The following TMCC3 variants were observed in gnomAD, a reference collection of about 807,000 sequenced individuals.
TMCC3 encodes transmembrane and coiled-coil domain family 3.
In TMCC3, 28 loss-of-function variants were observed where a neutral mutation model predicts 40.2. The ratio of observed to expected loss-of-function variants is 0.70; its 90% CI spans 0.52 to 0.95. The LOEUF is 0.95. Ranked by LOEUF, TMCC3 falls within the 40% of genes least tolerant of loss-of-function variation. The pLI is 0.00. For missense variants in TMCC3, 554 were observed against 615.2 expected (o/e 0.90, Z 1.05); for synonymous variants, 255 against 248.5 (o/e 1.03, Z -0.25).
chr12:94,648,242 T>A (rs992754639), intron 1 of TMCC3, among the ~76,000 whole-genome samples: 2 of 150,832 alleles, frequency 1.3e-5, no homozygotes, highest in South Asian at 4.1e-4. Context: ...ATTTATTTAT[T>A]TATTTATTTA....
chr12:94,606,639 G>T (rs988668683), intron 1 of TMCC3, among the ~76,000 whole-genome samples: 1 of 152,124 alleles, frequency 6.6e-6, no homozygotes, highest in African/African-American at 2.4e-5. Flanking sequence ...TAAAGAGAAA[G>T]AGTACAAAGA....
chr12:94,594,232 C>CACACACACACACACACACAGAG (rs1446763750), intron 1 of TMCC3, among the ~76,000 whole-genome samples: 5 of 147,814 alleles, frequency 3.4e-5, no homozygotes, highest in African/African-American at 1.3e-4. Context: ...CACACACACA[C>CACACACACACACACACACAGAG]AGAGTGAGAG....
Position 94,578,408 on chromosome 12 carries a change from AGCGCTC to A in TMCC3, c.1111_1116del (p.Glu371_Arg372del). The A allele has an allele frequency of 6.2e-7, 1 of 1,613,908 alleles. No individual in the cohort carries two copies. Among genetic ancestry groups the A allele is most frequent in the Non-Finnish European group, 8.5e-7 (1 of 1,179,886 alleles). Reference sequence around the variant, plus strand: ...GGGAAAGGTACCTGGATGTCCCGCGAGCGCTCGTAGGCCTGGTAGGCCACCTTCTCC... The same window carrying A: ...GGGAAAGGTACCTGGATGTCCCGCGAGTAGGCCTGGTAGGCCACCTTCTCC... On this transcript the variant is annotated inframe_deletion, in exon 3 of 4. Transcript: ENST00000261226.
At chr12:94,627,227 C>T (rs959519513) in intron 1 of TMCC3, among the ~76,000 whole-genome samples, 1 of 152,112 alleles carries the variant, frequency 6.6e-6, no homozygotes, top group Non-Finnish European at 1.5e-5. Flanking sequence ...CTTGTAAGAG[C>T]CAGGATTTTA....
At chr12:94,573,032 T>G (rs2068542264) in intron 3 of TMCC3, among the ~76,000 whole-genome samples, 1 of 152,148 alleles carries the variant, frequency 6.6e-6, no homozygotes, top group South Asian at 2.1e-4. Flanking sequence ...CTCTTTGACA[T>G]CTCCATCAGA....
intron 1 of TMCC3, among the ~76,000 whole-genome samples, chr12:94,645,756 T>C (rs2069014771): frequency 6.6e-6 from 1 of 152,222 alleles, no homozygotes; most frequent in Non-Finnish European, 1.5e-5. Context: ...CTTTGTATTA[T>C]ACTTACTGGT....
intron 2 of TMCC3, among the ~76,000 whole-genome samples, chr12:94,580,389 T>C (rs886200170): frequency 6.6e-6 from 1 of 152,212 alleles, no homozygotes; most frequent in Non-Finnish European, 1.5e-5. Flanking sequence ...GAAAGTTCTT[T>C]ATTTTACTTT....
chr12:94,603,525 G>A (rs1301249358), intron 1 of TMCC3, among the ~76,000 whole-genome samples: 3 of 152,206 alleles, frequency 2.0e-5, no homozygotes, highest in East Asian at 3.8e-4. Flanking sequence ...AATCTCACGT[G>A]TGTAATACTT....
chr12:94,616,142 T>G (rs2068846852), intron 1 of TMCC3: 1 of 973,826 alleles, frequency 1.0e-6, no homozygotes, highest in African/African-American at 1.8e-5. Flanking sequence ...CCAATACAAA[T>G]GTCAGTAATA....
intron 1 of TMCC3, among the ~76,000 whole-genome samples, chr12:94,648,466 C>A (rs1206840305): frequency 6.6e-6 from 1 of 152,130 alleles, no homozygotes; most frequent in Non-Finnish European, 1.5e-5. Flanking sequence ...ACCTGGTGAT[C>A]CACCTATCTC....
At chr12:94,623,696 C>T (rs1271946744) in intron 1 of TMCC3, among the ~76,000 whole-genome samples, 3 of 152,228 alleles carry the variant, frequency 2.0e-5, no homozygotes, top group Admixed American at 6.5e-5. Context: ...CGAATAAATG[C>T]CCTGGCTACT....
intron 1 of TMCC3, among the ~76,000 whole-genome samples, chr12:94,629,915 G>C (rs911581643): frequency 3.3e-5 from 5 of 152,152 alleles, no homozygotes; most frequent in South Asian, 2.1e-4. Context: ...ATTTTAAATA[G>C]AAGTTATATA....
chr12:94,582,989 TTTTTTAA>T (rs2068615540), intron 1 of TMCC3, among the ~76,000 whole-genome samples: 2 of 24,486 alleles, frequency 8.2e-5, no homozygotes, highest in Non-Finnish European at 1.4e-4. Flanking sequence ...TTTTTTTTTT[TTTTTTAA>T]AAAAGAAAGA....
At chr12:94,633,601 C>T (rs866432967) in intron 1 of TMCC3, among the ~76,000 whole-genome samples, 4 of 152,112 alleles carry the variant, frequency 2.6e-5, no homozygotes, top group South Asian at 4.1e-4. Flanking sequence ...ATTTCATTAC[C>T]TTATAATTTT....
At chr12:94,646,228 A>T (rs1335301027) in intron 1 of TMCC3, among the ~76,000 whole-genome samples, 2 of 152,126 alleles carry the variant, frequency 1.3e-5, no homozygotes, top group East Asian at 3.9e-4. Flanking sequence ...TGTCAGAGAA[A>T]GGTGCGGTGG....
intron 1 of TMCC3, among the ~76,000 whole-genome samples, chr12:94,622,183 C>A (rs1263497875): frequency 6.6e-6 from 1 of 152,128 alleles, no homozygotes; most frequent in Non-Finnish European, 1.5e-5. Flanking sequence ...GAGTACTCCA[C>A]ACCCATGGCC....
chr12:94,600,240 GTTT>G (rs530585319), intron 1 of TMCC3, among the ~76,000 whole-genome samples: 2,294 of 102,022 alleles, frequency 0.022, 32 homozygotes, highest in African/African-American at 0.085. Flanking sequence ...CCAAATTCTG[GTTT>G]TTTTTTTTTT....
chr12:94,576,770 A>C (rs532207085), intron 3 of TMCC3, among the ~76,000 whole-genome samples: 2 of 152,308 alleles, frequency 1.3e-5, no homozygotes, highest in East Asian at 3.9e-4. Flanking sequence ...GGTGTGAGCC[A>C]CCAGCCCTGG....
chr12:94,647,045 T>G (rs572639994), intron 1 of TMCC3, among the ~76,000 whole-genome samples: 1 of 152,226 alleles, frequency 6.6e-6, no homozygotes, highest in East Asian at 1.9e-4. Context: ...AGTTACTGTA[T>G]AGAAAGCAGA....
Sources: gnomAD v4.1 joint callset for allele counts (sites outside exome capture counted in the v4.1 genomes callset) on GRCh38, gnomAD v4.1.1 for gene constraint, MANE v1.5 for transcripts, NCBI Gene and HGNC (gene_info 2026-07-23, HGNC 2026-07-21) for gene names.